ZDHHC14: variants seen among roughly 807,000 people sequenced by gnomAD.
ZDHHC14 encodes palmitoyltransferase ZDHHC14.
ZDHHC14 carries 16 observed loss-of-function variants against 47.7 expected under a neutral mutation model. That is an observed-to-expected ratio of 0.34 (90% confidence interval 0.23 to 0.51). ZDHHC14 has a LOEUF of 0.51. ZDHHC14 is among the 20% of genes least tolerant of loss of function. ZDHHC14 has a pLI of 0.97. For missense variants in ZDHHC14, 515 were observed against 662.5 expected (o/e 0.78, Z 2.44); for synonymous variants, 293 against 278.9 (o/e 1.05, Z -0.50).
intron 1 of ZDHHC14, among the ~76,000 whole-genome samples, chr6:157,422,453 G>A (rs1317493210): frequency 3.3e-5 from 5 of 152,068 alleles, no homozygotes; most frequent in South Asian, 2.1e-4. Context: ...GAAGGGACCC[G>A]TTCGCTATTA....
At chr6:157,546,725 G>A (rs934797351) in intron 2 of ZDHHC14, among the ~76,000 whole-genome samples, 1 of 152,128 alleles carries the variant, frequency 6.6e-6, no homozygotes, top group African/African-American at 2.4e-5. Flanking sequence ...CTGATTTGGG[G>A]TTAGAAAAAA....
intron 3 of ZDHHC14, among the ~76,000 whole-genome samples, chr6:157,615,362 A>G (rs145614242): frequency 3.3e-5 from 5 of 152,280 alleles, no homozygotes; most frequent in African/African-American, 7.2e-5. Context: ...TCTGAGTGCC[A>G]TTAGAGCCAC....
At chr6:157,578,520 G>T (rs1459520638) in intron 2 of ZDHHC14, among the ~76,000 whole-genome samples, 1 of 152,088 alleles carries the variant, frequency 6.6e-6, no homozygotes, top group East Asian at 1.9e-4. Context: ...TTATTTCTGG[G>T]ATCTCTATTC....
At chr6:157,667,346 G>A (rs1011489466) in intron 8 of ZDHHC14, among the ~76,000 whole-genome samples, 2 of 152,180 alleles carry the variant, frequency 1.3e-5, no homozygotes, top group African/African-American at 4.8e-5. Flanking sequence ...AGCGAGCGGT[G>A]ATGTCTCCCT....
intron 1 of ZDHHC14, among the ~76,000 whole-genome samples, chr6:157,460,057 C>CAAA (rs35995673): frequency 2.5e-5 from 3 of 118,230 alleles, no homozygotes; most frequent in Admixed American, 8.9e-5. Context: ...ACTAAAAATA[C>CAAA]AAAAAAAAAA....
chr6:157,592,056 A>C (rs1368339905), intron 2 of ZDHHC14, among the ~76,000 whole-genome samples: 1 of 152,100 alleles, frequency 6.6e-6, no homozygotes, highest in African/African-American at 2.4e-5. Flanking sequence ...TGAGGAGTCT[A>C]GGTGAAATAA....
chr6:157,382,910 G>A (rs1317993544), intron 1 of ZDHHC14, among the ~76,000 whole-genome samples: 4 of 152,136 alleles, frequency 2.6e-5, no homozygotes, highest in Non-Finnish European at 4.4e-5. Flanking sequence ...CTTTCAAAAA[G>A]GTTGCAATAA....
intron 1 of ZDHHC14, among the ~76,000 whole-genome samples, chr6:157,540,057 A>G (rs1781688341): frequency 6.6e-6 from 1 of 152,214 alleles, no homozygotes. Flanking sequence ...GCAACAGCCC[A>G]CTACGCAGTT....
intron 1 of ZDHHC14, among the ~76,000 whole-genome samples, chr6:157,382,678 A>T (rs1777238382): frequency 6.6e-6 from 1 of 152,148 alleles, no homozygotes; most frequent in Admixed American, 6.5e-5. Context: ...CATGGAACTG[A>T]CTTTTTCCCC....
At chr6:157,671,771 C>T (rs1778808284) in intron 8 of ZDHHC14, among the ~76,000 whole-genome samples, 1 of 152,162 alleles carries the variant, frequency 6.6e-6, no homozygotes. Flanking sequence ...GGGAATGGCT[C>T]TTGAAGCTGT....
At chr6:157,551,600 A>G (rs1782237030) in intron 2 of ZDHHC14, among the ~76,000 whole-genome samples, 1 of 152,214 alleles carries the variant, frequency 6.6e-6, no homozygotes, top group Non-Finnish European at 1.5e-5. Flanking sequence ...TCTGCATTGC[A>G]ACAAGACCAC....
chr6:157,634,905 C>T (rs569480789), intron 5 of ZDHHC14, among the ~76,000 whole-genome samples: 1 of 152,218 alleles, frequency 6.6e-6, no homozygotes, highest in Non-Finnish European at 1.5e-5. Flanking sequence ...CTGCTGGCGG[C>T]TTCTGCTCCG....
chr6:157,389,975 G>T (rs1777389210), intron 1 of ZDHHC14, among the ~76,000 whole-genome samples: 1 of 151,718 alleles, frequency 6.6e-6, no homozygotes. Context: ...ATTTTAAATG[G>T]ACTTTTATAT....
intron 1 of ZDHHC14, among the ~76,000 whole-genome samples, chr6:157,508,345 A>T (rs1780380928): frequency 6.6e-6 from 1 of 151,524 alleles, no homozygotes. Flanking sequence ...TGTATCTGTA[A>T]CTCTTTCATT....
chr6:157,463,922 G>A lies in ZDHHC14; in HGVS notation c.246-78663G>A, dbSNP rs562073993. On this transcript the variant is annotated intron_variant, in intron 1 of 8. Coordinates refer to ENST00000359775, the MANE Select transcript of ZDHHC14 (RefSeq NM_024630.3). The surrounding 1 kb of genome is among the most constrained non-coding windows in gnomAD (Gnocchi z 4.4). ...TGCCTGCAGTCCCAGCTACTCAGGA[G>A]GCTGAGGCATGAGAATCACTTGAGT... Among the ~76,000 whole-genome samples the A allele has an allele frequency of 1.3e-5, 2 of 152,290 alleles. No individual in the cohort carries two copies. Among genetic ancestry groups the A allele is most frequent in the African/African-American group, 4.8e-5 (2 of 41,562 alleles).
At chr6:157,516,623 G>C (rs1260886983) in intron 1 of ZDHHC14, among the ~76,000 whole-genome samples, 1 of 152,174 alleles carries the variant, frequency 6.6e-6, no homozygotes, top group Admixed American at 6.5e-5. Context: ...AGTTAGAGTT[G>C]CTTATTTCTG....
At chr6:157,407,613 A>C (rs776036409) in intron 1 of ZDHHC14, among the ~76,000 whole-genome samples, 4 of 152,202 alleles carry the variant, frequency 2.6e-5, no homozygotes, top group Non-Finnish European at 5.9e-5. Context: ...CTCAGCTGTA[A>C]AGTAAAAGAG....
intron 1 of ZDHHC14, among the ~76,000 whole-genome samples, chr6:157,532,361 G>C (rs1479293793): frequency 6.6e-6 from 1 of 152,196 alleles, no homozygotes; most frequent in Non-Finnish European, 1.5e-5. Flanking sequence ...CCAGCGTTTG[G>C]GTTCAATTCC....
chr6:157,653,465 C>G (rs1445230977), intron 7 of ZDHHC14, 60 bp from the exon 8 acceptor site: 3 of 1,576,646 alleles, frequency 1.9e-6, no homozygotes, highest in African/African-American at 1.3e-5. Context: ...TGAGATAGTG[C>G]TGCTGCATCT....
Sources: gnomAD v4.1 joint callset for allele counts (sites outside exome capture counted in the v4.1 genomes callset) on GRCh38, gnomAD v4.1.1 for gene constraint, Gnocchi (gnomAD v3.1) non-coding constraint, MANE v1.5 for transcripts, NCBI Gene and HGNC (gene_info 2026-07-23, HGNC 2026-07-21) for gene names.